The following ARHGAP24 variants were observed in gnomAD, a reference collection of about 807,000 sequenced individuals.
The protein encoded by ARHGAP24 is Rho GTPase activating protein 24.
In ARHGAP24, 50 loss-of-function variants were observed where a neutral mutation model predicts 76.4. The ratio of observed to expected loss-of-function variants is 0.65; its 90% confidence interval spans 0.52 to 0.83. The LOEUF is 0.83. ARHGAP24 is among the 40% of genes least tolerant of loss of function. The pLI is 0.00. For missense variants in ARHGAP24, 930 were observed against 914.2 expected (o/e 1.02, Z -0.22); for synonymous variants, 345 against 323.3 (o/e 1.07, Z -0.72).
intron 3 of ARHGAP24, among the ~76,000 whole-genome samples, chr4:85,813,902 C>T (rs1383854558): frequency 6.7e-6 from 1 of 149,688 alleles, no homozygotes; most frequent in East Asian, 1.9e-4. Flanking sequence ...ATACCCGAGA[C>T]TGGGCAATTT....
Position 85,972,168 on chromosome 4 carries a change from A to G in ARHGAP24, c.732A>G (p.Ala244=), listed in dbSNP as rs1379827881. The G allele has an allele frequency of 2.5e-6, 4 of 1,613,514 alleles. No homozygotes were observed. The South Asian group carries it at 4.4e-5, about 18-fold the overall frequency. Reference sequence around the variant, plus strand: ...AACTGCTCAGCAAGGAAGAGGAAGCAGTAAGTTGATGCATTTATTTCCAAA... The same window carrying G: ...AACTGCTCAGCAAGGAAGAGGAAGCGGTAAGTTGATGCATTTATTTCCAAA... ...CAKLLSKEEE[A]GVKELAKQVK... is the part of the protein sequence containing the mutation. Residue 244 remains alanine, a splice_region_variant and synonymous_variant, in exon 6 of 10, where the codon GCA becomes GCG. Coordinates refer to ENST00000395184, the MANE Select transcript of ARHGAP24 (RefSeq NM_001025616.3).
At chr4:85,626,674 C>A (rs921822008) in intron 2 of ARHGAP24, among the ~76,000 whole-genome samples, 1 of 152,138 alleles carries the variant, frequency 6.6e-6, no homozygotes, top group Non-Finnish European at 1.5e-5. Context: ...AGAGTGTTTT[C>A]CAACTTGGTT....
chr4:85,638,884 G>A (rs552124862), intron 2 of ARHGAP24, among the ~76,000 whole-genome samples: 1 of 152,072 alleles, frequency 6.6e-6, no homozygotes, highest in Non-Finnish European at 1.5e-5. Flanking sequence ...TAATACTCTT[G>A]GTTTACTTCT....
intron 1 of ARHGAP24, among the ~76,000 whole-genome samples, chr4:85,527,530 G>T (rs543017180): frequency 6.6e-6 from 1 of 152,000 alleles, no homozygotes; most frequent in Admixed American, 6.6e-5. Context: ...TCTTCTTAAC[G>T]TCTCTGTATT....
intron 2 of ARHGAP24, among the ~76,000 whole-genome samples, chr4:85,681,352 T>G (rs946133159): frequency 1.3e-5 from 2 of 152,168 alleles, no homozygotes; most frequent in African/African-American, 4.8e-5. Flanking sequence ...ATTTTTCTCC[T>G]TGTTCCTTCA....
intron 3 of ARHGAP24, among the ~76,000 whole-genome samples, chr4:85,880,903 G>A (rs1041796417): frequency 1.3e-5 from 2 of 152,094 alleles, no homozygotes; most frequent in East Asian, 1.9e-4. Flanking sequence ...AAATTCACAG[G>A]TGGAAGACTC....
intron 2 of ARHGAP24, among the ~76,000 whole-genome samples, chr4:85,685,043 A>C (rs72972849): frequency 0.05 from 7,565 of 152,280 alleles, 601 homozygotes; most frequent in African/African-American, 0.17. Context: ...TAATGGTTTC[A>C]TTATTAGATT....
At chr4:85,866,441 T>TTTTTG (rs1361167046) in intron 3 of ARHGAP24, among the ~76,000 whole-genome samples, 7 of 152,136 alleles carry the variant, frequency 4.6e-5, no homozygotes, top group Admixed American at 3.3e-4. Context: ...TTTTGGCATT[T>TTTTTG]TTTTGTTTTG....
At chr4:85,775,557 G>C (rs979091188) in intron 3 of ARHGAP24, among the ~76,000 whole-genome samples, 1 of 152,096 alleles carries the variant, frequency 6.6e-6, no homozygotes, top group Non-Finnish European at 1.5e-5. Context: ...ACTACCATGA[G>C]AACAGTATGG....
At chr4:85,617,851 G>A (rs1560554745) in intron 2 of ARHGAP24, among the ~76,000 whole-genome samples, 1 of 152,072 alleles carries the variant, frequency 6.6e-6, no homozygotes, top group South Asian at 2.1e-4. Context: ...CTTTATTGAT[G>A]TATAGTTGAG....
intron 3 of ARHGAP24, among the ~76,000 whole-genome samples, chr4:85,767,893 C>T (rs1026089249): frequency 4.6e-5 from 7 of 152,180 alleles, no homozygotes; most frequent in South Asian, 4.2e-4. Context: ...TGCTACAATG[C>T]GTACACTATT....
At chr4:85,996,994 A>G (rs1479529680) in intron 9 of ARHGAP24, among the ~76,000 whole-genome samples, 1 of 152,172 alleles carries the variant, frequency 6.6e-6, no homozygotes, top group African/African-American at 2.4e-5. Flanking sequence ...GATCTACGGT[A>G]TATTTCAGAG....
intron 8 of ARHGAP24, chr4:85,990,313 C>T (rs1740247731): frequency 6.6e-6 from 1 of 151,546 alleles, no homozygotes; most frequent in Non-Finnish European, 1.5e-5. Context: ...ATATACCCTG[C>T]TCATGTATTA....
chr4:85,911,646 A>G (rs1282333057), intron 3 of ARHGAP24, among the ~76,000 whole-genome samples: 1 of 152,170 alleles, frequency 6.6e-6, no homozygotes, highest in African/African-American at 2.4e-5. Context: ...GTCATTGAAG[A>G]CTATTTTGAG....
intron 2 of ARHGAP24, among the ~76,000 whole-genome samples, chr4:85,714,766 C>T (rs1267322880): frequency 6.6e-6 from 1 of 151,992 alleles, no homozygotes; most frequent in African/African-American, 2.4e-5. Context: ...GCAAGTCTTC[C>T]CATCTCTTTT....
chr4:85,974,074 T>G (rs1289348048), intron 6 of ARHGAP24, among the ~76,000 whole-genome samples: 1 of 150,092 alleles, frequency 6.7e-6, no homozygotes, highest in Non-Finnish European at 1.5e-5. Context: ...GCCAGGATGG[T>G]CTCGATCTCC....
At position 85,480,777 on chromosome 4, in the gene ARHGAP24, G is replaced by T. The variant is rs568201959; in HGVS notation, c.-21+5218G>T. The stretch of plus-strand genomic sequence containing the variant: ...AAATCACATTTTAGTAACTTTGAAA[G>T]TAGATACTAAGGCCAAACATGAGTT... On this transcript the variant is annotated intron_variant, in intron 1 of 9. Coordinates refer to ENST00000395184, the MANE Select transcript of ARHGAP24 (RefSeq NM_001025616.3). Among the ~76,000 whole-genome samples the T allele has an allele frequency of 2.0e-5, 3 of 152,200 alleles. No individual in the cohort carries two copies. In the East Asian group the frequency reaches 5.8e-4, roughly 29 times the overall value.
At chr4:85,911,617 A>G (rs923371393) in intron 3 of ARHGAP24, among the ~76,000 whole-genome samples, 1 of 152,190 alleles carries the variant, frequency 6.6e-6, no homozygotes. Flanking sequence ...GACAGTCACC[A>G]TTTTTTAAGG....
At chr4:85,494,820 C>G (rs1039258784) in intron 1 of ARHGAP24, among the ~76,000 whole-genome samples, 1 of 151,978 alleles carries the variant, frequency 6.6e-6, no homozygotes, top group South Asian at 2.1e-4. Flanking sequence ...GTGACCTGGC[C>G]GGGCGCGATG....
Sources: allele counts gnomAD v4.1 joint callset (sites outside exome capture counted in the v4.1 genomes callset), GRCh38; gene constraint gnomAD v4.1.1; transcripts MANE v1.5; gene names NCBI Gene and HGNC (gene_info 2026-07-23, HGNC 2026-07-21).